The following N4BP2L2 variants were observed in gnomAD, a reference collection of about 807,000 sequenced individuals.
N4BP2L2 encodes NEDD4-binding protein 2-like 2.
In N4BP2L2, 50 loss-of-function variants were observed where a neutral mutation model predicts 56.2. The observed-to-expected ratio is 0.89, with a 90% CI of 0.71 to 1.13. N4BP2L2 has a LOEUF of 1.13. N4BP2L2 is among the 50% of genes most tolerant of loss of function. The pLI, the probability that N4BP2L2 is intolerant of heterozygous loss-of-function variation, is 0.00. For synonymous variants in N4BP2L2, 203 were observed against 223.6 expected, an observed-to-expected ratio of 0.91 and a Z score of 0.82; for missense variants, 689 against 693.8, an observed-to-expected ratio of 0.99 and a Z score of 0.08.
At chr13:32,446,432 T>G (rs750840556) in intron 6 of N4BP2L2, 20 of 1,358,246 alleles carry the variant, frequency 1.5e-5, no homozygotes, top group Non-Finnish European at 2.0e-5. Context: ...CAGACTAGTA[T>G]GTCATTCTGA....
At chr13:32,482,619 G>A (rs1009528719) in intron 6 of N4BP2L2, among the ~76,000 whole-genome samples, 2 of 151,716 alleles carry the variant, frequency 1.3e-5, no homozygotes, top group Admixed American at 6.6e-5. Context: ...TCCCACCTCA[G>A]CCTCCCAAAG....
At chr13:32,526,397 G>A (rs2052792476) in intron 3 of N4BP2L2, among the ~76,000 whole-genome samples, 1 of 152,118 alleles carries the variant, frequency 6.6e-6, no homozygotes, top group Non-Finnish European at 1.5e-5. Context: ...TTTTAAATGT[G>A]TGATAACGGC....
At chr13:32,537,437 C>T (rs2140371622) in intron 1 of N4BP2L2, among the ~76,000 whole-genome samples, 1 of 152,188 alleles carries the variant, frequency 6.6e-6, no homozygotes, top group South Asian at 2.1e-4. Context: ...TTAACACATA[C>T]TCAAAATGGC....
At chr13:32,435,437 T>C (rs1159170933) in intron 9 of N4BP2L2, among the ~76,000 whole-genome samples, 1 of 152,206 alleles carries the variant, frequency 6.6e-6, no homozygotes, top group African/African-American at 2.4e-5. Context: ...TTTTGCCATG[T>C]TGGCTAGGCT....
At chr13:32,435,853 T>G (rs1277150916) in intron 9 of N4BP2L2, among the ~76,000 whole-genome samples, 4 of 152,256 alleles carry the variant, frequency 2.6e-5, no homozygotes, top group Middle Eastern at 6.4e-3. Context: ...CAGACATATA[T>G]GCACTGAAAT....
intron 2 of N4BP2L2, among the ~76,000 whole-genome samples, chr13:32,532,908 A>C: frequency 6.6e-6 from 1 of 151,140 alleles, no homozygotes. Context: ...AAAAAAAAAA[A>C]ATAGAGACAG....
intron 6 of N4BP2L2, among the ~76,000 whole-genome samples, chr13:32,446,156 T>G (rs531075063): frequency 4.6e-5 from 7 of 152,210 alleles, no homozygotes; most frequent in Non-Finnish European, 8.8e-5. Flanking sequence ...CTGGGCAATT[T>G]TCAATAGGTA....
At chr13:32,500,408 G>A (rs1200140399) in intron 6 of N4BP2L2, among the ~76,000 whole-genome samples, 1 of 151,970 alleles carries the variant, frequency 6.6e-6, no homozygotes, top group South Asian at 2.1e-4. Flanking sequence ...AAAATAAAAA[G>A]TAAGCCAGGA....
At chr13:32,505,807 CAGA>C (rs2090854132), downstream of N4BP2L2, 2 of 151,906 alleles carry the variant, frequency 1.3e-5, no homozygotes, top group Non-Finnish European at 1.5e-5. Flanking sequence ...TCTAAGATGA[CAGA>C]AGCTTTCTCA....
Position 32,538,572 on chromosome 13 carries a change from A to C in N4BP2L2, c.-1+46T>G, listed in dbSNP as rs199717393. ...TCCAGTCAAGAAGTGAAAGCGAAAA[A>C]CACCACCACCGCCCCACCCTCACCT... is the stretch of plus-strand genomic sequence containing the variant. On this transcript the variant is annotated intron_variant, in intron 1 of 5. Transcript: ENST00000267068. 55 of 962,380 alleles carry C rather than the reference A, an allele frequency of 5.7e-5. No individual in the cohort carries two copies. The East Asian group carries it at 5.8e-4, about 10-fold the overall frequency. The allele number at this position is 962,380 out of a possible 1,614,324, so 59.6% of individuals were successfully genotyped here.
At chr13:32,512,736 C>T (rs2139805408) in exon 6 of N4BP2L2, 1 of 152,192 alleles carries the variant, frequency 6.6e-6, no homozygotes, top group South Asian at 2.1e-4. Flanking sequence ...AGTGATAATA[C>T]ATTAAGAATT....
intron 8 of N4BP2L2, among the ~76,000 whole-genome samples, chr13:32,437,962 A>G (rs772608436): frequency 6.6e-6 from 1 of 152,216 alleles, no homozygotes; most frequent in Non-Finnish European, 1.5e-5. Context: ...CTCAAGTTTG[A>G]TAAATTTTAT....
At chr13:32,441,892 TAAA>T in intron 7 of N4BP2L2, among the ~76,000 whole-genome samples, 1 of 60,258 alleles carries the variant, frequency 1.7e-5, no homozygotes, top group African/African-American at 3.9e-5. Flanking sequence ...AAATACAAAA[TAAA>T]TAAATAAATA....
At chr13:32,446,375 T>C in intron 6 of N4BP2L2, 1 of 1,365,652 alleles carries the variant, frequency 7.3e-7, no homozygotes, top group Non-Finnish European at 9.8e-7. Context: ...CCAGTGAAAG[T>C]CCTAGTTGCA....
chr13:32,500,840 G>A (rs1339336709), intron 6 of N4BP2L2, among the ~76,000 whole-genome samples: 2 of 149,488 alleles, frequency 1.3e-5, no homozygotes, highest in Non-Finnish European at 1.5e-5. Flanking sequence ...TGAGTCTTAT[G>A]ACAACTCTGT....
exon 2 of N4BP2L2, chr13:32,536,912 C>G: frequency 6.2e-7 from 1 of 1,614,032 alleles, no homozygotes; most frequent in Non-Finnish European, 8.5e-7. Context: ...ATCAGCATTA[C>G]TATGATTGTG....
rs146191473 is a variant in N4BP2L2 at position 32,449,816 on chromosome 13, G to A, written c.366-5690C>T. Among the ~76,000 whole-genome samples, 245 of 152,208 alleles carry A rather than the reference G, an allele frequency of 1.6e-3. 2 individuals are homozygous for A. Among genetic ancestry groups the A allele is most frequent in the Admixed American group, 0.012 (190 of 15,282 alleles). ...TAGAATGTGGCAATGTGATACTTAT[G>A]ATTTACTTAAAACAAACAGTTGAGT... On this transcript the variant is annotated intron_variant, in intron 6 of 9. Coordinates refer to the N4BP2L2 transcript ENST00000357505.
intron 6 of N4BP2L2, among the ~76,000 whole-genome samples, chr13:32,459,543 C>A (rs906214517): frequency 6.6e-6 from 1 of 152,010 alleles, no homozygotes; most frequent in Non-Finnish European, 1.5e-5. Flanking sequence ...TGGATAAATT[C>A]TGGGACATAT....
intron 6 of N4BP2L2, among the ~76,000 whole-genome samples, chr13:32,492,272 A>ATTTTTTTTTTTTTT (rs1185615708): frequency 5.2e-5 from 4 of 77,042 alleles, no homozygotes; most frequent in African/African-American, 2.3e-4. Context: ...AAAACACCAA[A>ATTTTTTTTTTTTTT]ATTTTTTTTT....
Sources: allele counts gnomAD v4.1 joint callset (sites outside exome capture counted in the v4.1 genomes callset), GRCh38; gene constraint gnomAD v4.1.1; transcripts MANE v1.5; gene names NCBI Gene and HGNC (gene_info 2026-07-23, HGNC 2026-07-21).